COPS9: variants seen among roughly 807,000 people sequenced by gnomAD.
The protein encoded by COPS9 is COP9 signalosome subunit 9, also known as COP9 signalosome complex subunit 9.
COPS9 carries 8 observed loss-of-function variants against 7.2 expected under a neutral mutation model. The observed-to-expected ratio is 1.11, with a 90% CI of 0.65 to 2.00. The LOEUF is 2.00. Among genes scored for constraint, COPS9 ranks in the 30% most tolerant of loss-of-function variants. COPS9 has a pLI of 0.00. For synonymous variants in COPS9, 39 were observed against 28.7 expected (o/e 1.36, Z -1.14); for missense variants, 74 against 77.7 (o/e 0.95, Z 0.18).
downstream of COPS9, chr2:240,129,872 G>A (rs114444778): frequency 4.7e-4 from 733 of 1,552,946 alleles, 1 homozygote; most frequent in African/African-American, 8.9e-3. Context: ...CTCAACGTGC[G>A]GCCCAGTGCA....
At chr2:240,127,071 T>C (rs2071873678), downstream of COPS9, 2 of 1,193,378 alleles carry the variant, frequency 1.7e-6, no homozygotes, top group Admixed American at 4.9e-5. Flanking sequence ...TACAGGAACT[T>C]AGGACAGAGA....
chr2:240,136,128 C>CA, intron 1 of COPS9, 94 bp downstream of exon 1: 12 of 1,350,190 alleles, frequency 8.9e-6, no homozygotes, highest in Non-Finnish European at 1.1e-5. Context: ...CCCGCCCGGC[C>CA]TCCCCTCCCC....
chr2:240,130,168 T>A, downstream of COPS9: 1 of 654,104 alleles, frequency 1.5e-6, no homozygotes, highest in Non-Finnish European at 2.6e-6. Flanking sequence ...GTCTCTTCTG[T>A]AAACATGACA....
In COPS9 at chr2:240,134,215, G is replaced by A; in HGVS notation, c.64-210C>T. The A allele has an allele frequency of 2.2e-5, 12 of 555,566 alleles. No homozygotes were observed. In the South Asian group the frequency reaches 2.3e-4, roughly 11 times the overall value. The allele number at this position is 555,566 out of a possible 1,614,324, so 34.4% of individuals were successfully genotyped here. A position where few individuals can be genotyped will look rare whatever the true frequency, so the allele number is the denominator to read the frequency against. On this transcript the variant is annotated intron_variant, in intron 1 of 2. Coordinates refer to ENST00000607357, the MANE Select transcript of COPS9 (RefSeq NM_001163424.2). ...GGAATGATTTTTAAGGTCTCTCAAG[G>A]GCTTCTGTTCCTTGATTCCTGTCTG...
At chr2:240,127,186 C>T (rs2071874894), downstream of COPS9, among the ~76,000 whole-genome samples, 1 of 152,216 alleles carries the variant, frequency 6.6e-6, no homozygotes, top group South Asian at 2.1e-4. Context: ...GTGCAGGGCA[C>T]TGCCAGAGCA....
At chr2:240,130,720 C>T (rs2071913402), downstream of COPS9, 1 of 1,017,328 alleles carries the variant, frequency 9.8e-7, no homozygotes, top group Non-Finnish European at 1.2e-6. Context: ...ATGTGGTTCT[C>T]TCAGCGTGCT....
Position 240,132,987 on chromosome 2 carries a change from G to A in COPS9, c.136+946C>T, listed in dbSNP as rs1428357536. Among the ~76,000 whole-genome samples, 2 of 152,244 alleles carry A rather than the reference G, an allele frequency of 1.3e-5. No individual in the cohort carries two copies. The highest frequency in any genetic ancestry group is 2.9e-5 in the Non-Finnish European group (2 of 68,040). On this transcript the variant is annotated intron_variant, in intron 2 of 2. Transcript: ENST00000607357. The surrounding 1 kb of genome is among the most constrained non-coding windows in gnomAD (Gnocchi z 4.1). ...GAATGCTGCCTCAGGGGCATGGCCA[G>A]GCACCCTGGGAAAGCCTGCACCCCA...
chr2:240,127,082 G>A (rs1372963339), downstream of COPS9: 3 of 1,084,062 alleles, frequency 2.8e-6, no homozygotes, highest in Non-Finnish European at 3.9e-6. Flanking sequence ...AGGACAGAGA[G>A]GGGAAGGCTA....
downstream of COPS9, chr2:240,130,117 T>TG: frequency 2.9e-6 from 3 of 1,044,306 alleles, no homozygotes; most frequent in Non-Finnish European, 4.3e-6. Context: ...AGAGCTGACA[T>TG]TCGGTTCTGC....
downstream of COPS9, among the ~76,000 whole-genome samples, chr2:240,127,103 C>T (rs903246395): frequency 1.3e-5 from 2 of 152,214 alleles, no homozygotes; most frequent in African/African-American, 4.8e-5. Flanking sequence ...AGTACAAGGA[C>T]ACAGGGTTCC....
chr2:240,135,962 C>G (rs2071982863), intron 1 of COPS9: 2 of 526,790 alleles, frequency 3.8e-6, no homozygotes, highest in Non-Finnish European at 6.3e-6. Context: ...TGGGGGCACC[C>G]AGCAGGCACT....
chr2:240,134,458 G>GC (rs1251315639), intron 1 of COPS9, among the ~76,000 whole-genome samples: 2 of 152,098 alleles, frequency 1.3e-5, no homozygotes, highest in Non-Finnish European at 2.9e-5. Context: ...CTGGTGCCCC[G>GC]CTGCTATCAT....
downstream of COPS9, chr2:240,129,786 G>A (rs369880214): frequency 2.2e-5 from 16 of 743,216 alleles, no homozygotes; most frequent in Middle Eastern, 3.3e-4. Context: ...TGCAGACGAC[G>A]TGCACGCCTG....
At chr2:240,136,055 C>A in intron 1 of COPS9, 167 bp downstream of exon 1, 1 of 1,141,250 alleles carries the variant, frequency 8.8e-7, no homozygotes, top group Non-Finnish European at 1.2e-6. Flanking sequence ...TCACCAGGTG[C>A]TCGGAGAAAC....
At chr2:240,129,856 G>C (rs756376708), downstream of COPS9, 3 of 1,489,098 alleles carry the variant, frequency 2.0e-6, no homozygotes, top group Non-Finnish European at 2.8e-6. Context: ...GAAACAAAGC[G>C]GCAGCCTCAA....
chr2:240,136,288 G>A lies in COPS9; in HGVS notation c.-4C>T. ...TCTCGTCCACCGCCGGCTTCATCTC[G>A]GGGCCGCGGCGCTCTAGGCTCACTT... is the stretch of plus-strand genomic sequence containing the variant. On this transcript the variant is annotated 5_prime_UTR_variant, in exon 1 of 3. Coordinates refer to ENST00000607357, the MANE Select transcript of COPS9 (RefSeq NM_001163424.2). The A allele has an allele frequency of 1.3e-6, 2 of 1,563,864 alleles. No homozygotes were observed. Among genetic ancestry groups the A allele is most frequent in the Admixed American group, 1.8e-5 (1 of 54,470 alleles).
chr2:240,128,495 C>A (rs2071889144), downstream of COPS9, among the ~76,000 whole-genome samples: 1 of 152,220 alleles, frequency 6.6e-6, no homozygotes, highest in Non-Finnish European at 1.5e-5. Flanking sequence ...AAGACGCAGG[C>A]AGGCATTCCC....
At chr2:240,129,526 C>T (rs1181998411), downstream of COPS9, among the ~76,000 whole-genome samples, 11 of 152,148 alleles carry the variant, frequency 7.2e-5, no homozygotes, top group Non-Finnish European at 1.5e-5. Context: ...GTGTTTGCCA[C>T]GGGCCAGTCT....
downstream of COPS9, among the ~76,000 whole-genome samples, chr2:240,129,149 A>G (rs2071895292): frequency 6.6e-6 from 1 of 152,170 alleles, no homozygotes; most frequent in South Asian, 2.1e-4. Context: ...CCAAGGAGGA[A>G]ACAGAGGCCC....
Sources: gnomAD v4.1 joint callset for allele counts (sites outside exome capture counted in the v4.1 genomes callset) on GRCh38, gnomAD v4.1.1 for gene constraint, Gnocchi (gnomAD v3.1) non-coding constraint, MANE v1.5 for transcripts, NCBI Gene and HGNC (gene_info 2026-07-23, HGNC 2026-07-21) for gene names.